Variants in ZCCHC7 observed in about 807,000 individuals in gnomAD.
ZCCHC7 encodes zinc finger CCHC-type containing 7.
ZCCHC7 carries 35 observed loss-of-function variants against 52.0 expected under a neutral mutation model. That is an observed-to-expected ratio of 0.67 (90% CI 0.51 to 0.89). The LOEUF (loss-of-function observed/expected upper bound fraction) is 0.89. Among genes scored for constraint, ZCCHC7 ranks in the 40% least tolerant of loss-of-function variants. ZCCHC7 has a pLI of 0.00. For synonymous variants in ZCCHC7, 217 were observed against 221.5 expected, an observed-to-expected ratio of 0.98 and a Z score of 0.18; for missense variants, 574 against 649.1, an observed-to-expected ratio of 0.88 and a Z score of 1.26.
chr9:37,175,641 G>A (rs1256315270), intron 2 of ZCCHC7, among the ~76,000 whole-genome samples: 1 of 152,128 alleles, frequency 6.6e-6, no homozygotes, highest in Non-Finnish European at 1.5e-5. Context: ...AGGAGGCTGA[G>A]GCACGAGAAT....
chr9:37,263,452 A>G (rs1490868973), intron 2 of ZCCHC7, among the ~76,000 whole-genome samples: 1 of 152,076 alleles, frequency 6.6e-6, no homozygotes, highest in Non-Finnish European at 1.5e-5. Context: ...TATTTCTATT[A>G]AGATTCCTAG....
chr9:37,218,837 C>T (rs1400608072), intron 2 of ZCCHC7, among the ~76,000 whole-genome samples: 1 of 151,620 alleles, frequency 6.6e-6, no homozygotes, highest in African/African-American at 2.4e-5. Context: ...TTGTATCCTG[C>T]AGAGCTTTAG....
At chr9:37,271,531 T>G (rs1174818732) in intron 2 of ZCCHC7, among the ~76,000 whole-genome samples, 1 of 152,198 alleles carries the variant, frequency 6.6e-6, no homozygotes, top group African/African-American at 2.4e-5. Context: ...ATATATGATA[T>G]TGTATTATGG....
At chr9:37,164,165 G>A (rs1821272163) in intron 2 of ZCCHC7, among the ~76,000 whole-genome samples, 2 of 151,924 alleles carry the variant, frequency 1.3e-5, no homozygotes, top group South Asian at 4.1e-4. Flanking sequence ...CTTCTGGCCA[G>A]TCATGGTAGC....
intron 2 of ZCCHC7, chr9:37,186,618 A>G (rs916869356): frequency 4.6e-6 from 2 of 430,662 alleles, no homozygotes; most frequent in Middle Eastern, 5.4e-4. Context: ...TTAAGAATGC[A>G]TTAGTATTGC....
chr9:37,216,791 A>T (rs1824530423), intron 2 of ZCCHC7, among the ~76,000 whole-genome samples: 1 of 152,226 alleles, frequency 6.6e-6, no homozygotes, highest in Non-Finnish European at 1.5e-5. Flanking sequence ...GAACAGCCAG[A>T]AAACGGAAGT....
chr9:37,337,124 C>A (rs1177785455), intron 6 of ZCCHC7, among the ~76,000 whole-genome samples: 1 of 152,042 alleles, frequency 6.6e-6, no homozygotes. Context: ...TTCTTTATTT[C>A]CCCTAAAAGT....
At chr9:37,164,454 T>C (rs1331280620) in intron 2 of ZCCHC7, among the ~76,000 whole-genome samples, 7 of 89,258 alleles carry the variant, frequency 7.8e-5, no homozygotes, top group African/African-American at 2.9e-4. Flanking sequence ...GATAGATAGA[T>C]AGATAGATAG....
intron 2 of ZCCHC7, among the ~76,000 whole-genome samples, chr9:37,202,362 T>G (rs916700394): frequency 3.9e-5 from 6 of 152,246 alleles, no homozygotes; most frequent in African/African-American, 1.4e-4. Flanking sequence ...ATATTAAATT[T>G]AGCTCTCAGC....
At chr9:37,232,174 G>C (rs116540947) in intron 2 of ZCCHC7, among the ~76,000 whole-genome samples, 88 of 152,316 alleles carry the variant, frequency 5.8e-4, no homozygotes, top group African/African-American at 2.0e-3. Context: ...GTGCAGCAGT[G>C]AAAGGGAATG....
chr9:37,349,569 A>G (rs1821238887), intron 7 of ZCCHC7, 117 bp downstream of exon 7: 4 of 988,874 alleles, frequency 4.0e-6, no homozygotes, highest in Admixed American at 4.9e-5. Context: ...CATTAAAGTA[A>G]GACTTAATAT....
chr9:37,137,867 A>G (rs1276604952), intron 2 of ZCCHC7, among the ~76,000 whole-genome samples: 3 of 152,158 alleles, frequency 2.0e-5, no homozygotes, highest in Non-Finnish European at 4.4e-5. Context: ...TTTGGCATTC[A>G]TCGTCTTAAT....
intron 2 of ZCCHC7, among the ~76,000 whole-genome samples, chr9:37,253,377 A>G (rs1826424186): frequency 6.6e-6 from 1 of 152,000 alleles, no homozygotes; most frequent in Non-Finnish European, 1.5e-5. Flanking sequence ...TGTCAATGCA[A>G]ATTTTAATTA....
At chr9:37,332,742 T>C (rs1013337122) in intron 6 of ZCCHC7, among the ~76,000 whole-genome samples, 4 of 151,614 alleles carry the variant, frequency 2.6e-5, no homozygotes, top group Non-Finnish European at 5.9e-5. Context: ...AATGAGATTC[T>C]TTTAAAAATA....
intron 2 of ZCCHC7, among the ~76,000 whole-genome samples, chr9:37,128,594 A>G (rs942749892): frequency 3.3e-5 from 5 of 152,254 alleles, no homozygotes; most frequent in Non-Finnish European, 7.3e-5. Context: ...ATTAATCACA[A>G]CATTGATATG....
At position 37,264,336 on chromosome 9, in the gene ZCCHC7, C is replaced by T. The variant is rs546099577; in HGVS notation, c.611-37852C>T. Among the ~76,000 whole-genome samples, 19 of 152,112 alleles carry T rather than the reference C, an allele frequency of 1.2e-4. No individual in the cohort carries two copies. The South Asian group carries it at 3.1e-3, about 25-fold the overall frequency. ...TTAAAAATATATGACATTCCCAAAA[C>T]GGAAAAAGGTATTACAGTGTCTGTT... is the stretch of plus-strand genomic sequence containing the variant. On this transcript the variant is annotated intron_variant, in intron 2 of 8. Coordinates refer to ENST00000336755, the MANE Select transcript of ZCCHC7 (RefSeq NM_032226.3).
chr9:37,164,208 G>A (rs1372387224), intron 2 of ZCCHC7, among the ~76,000 whole-genome samples: 3 of 151,988 alleles, frequency 2.0e-5, no homozygotes, highest in Non-Finnish European at 4.4e-5. Context: ...TTGGGAGGCC[G>A]AACTGGGCAG....
chr9:37,123,214 T>TGC (rs1842400217), intron 1 of ZCCHC7, among the ~76,000 whole-genome samples: 1 of 126,740 alleles, frequency 7.9e-6, no homozygotes, highest in East Asian at 2.0e-4. Flanking sequence ...TGTGTGTGTG[T>TGC]GTGTGTGTGT....
At chr9:37,163,551 G>C (rs1821237325) in intron 2 of ZCCHC7, among the ~76,000 whole-genome samples, 1 of 152,216 alleles carries the variant, frequency 6.6e-6, no homozygotes, top group African/African-American at 2.4e-5. Flanking sequence ...TATTTGTGCA[G>C]TGGGTGCACA....
Sources: allele counts gnomAD v4.1 joint callset (sites outside exome capture counted in the v4.1 genomes callset), GRCh38; gene constraint gnomAD v4.1.1; transcripts MANE v1.5; gene names NCBI Gene and HGNC (gene_info 2026-07-23, HGNC 2026-07-21).